The following DRICH1 variants were observed in gnomAD, a reference collection of about 807,000 sequenced individuals.
DRICH1 encodes aspartate rich 1, also known as aspartate-rich protein 1.
DRICH1 carries 38 observed loss-of-function variants against 39.5 expected under a neutral mutation model. The observed-to-expected ratio is 0.96, with a 90% CI of 0.74 to 1.26. DRICH1 has a LOEUF of 1.26. DRICH1 is among the 50% of genes most tolerant of loss of function. The pLI, the probability that DRICH1 is intolerant of heterozygous loss-of-function variation, is 0.00. For missense variants in DRICH1, 279 were observed against 270.4 expected (o/e 1.03, Z -0.22); for synonymous variants, 84 against 99.5 (o/e 0.84, Z 0.93).
At chr22:23,615,705 T>C (rs148929880) in intron 8 of DRICH1, among the ~76,000 whole-genome samples, 1,640 of 152,342 alleles carry the variant, frequency 0.011, 21 homozygotes, top group African/African-American at 0.035. Flanking sequence ...ACCATGATGA[T>C]GTTAAAACAA....
chr22:23,601,016 T>A, the DRICH1 span, among the ~76,000 whole-genome samples: 1 of 152,194 alleles, frequency 6.6e-6, no homozygotes, highest in African/African-American at 2.4e-5. Flanking sequence ...AAGCAAACTC[T>A]ACTCCTAGGT....
At chr22:23,626,262 G>A (rs1019540909) in intron 1 of DRICH1, among the ~76,000 whole-genome samples, 2 of 152,132 alleles carry the variant, frequency 1.3e-5, no homozygotes, top group African/African-American at 2.4e-5. Context: ...CTTGCATTCC[G>A]AAGTCCCAGA....
At position 23,625,987 on chromosome 22, in the gene DRICH1, A is replaced by G. The variant is rs1345093811; in HGVS notation, c.270T>C (p.Asp90=). The change falls in exon 2 of 12, where the codon GAT becomes GAC. Residue 90 remains aspartate, a synonymous_variant. Coordinates refer to ENST00000317749, the MANE Select transcript of DRICH1 (RefSeq NM_016449.4). ...FLPSSEEDND[D]AKILPSPVQG... ...CAAAGAAAGGGGGTCTTACCTTGGC[A>G]TCATCATTGTCTTCCTCACTTGATG... The G allele has an allele frequency of 6.2e-7, 1 of 1,612,324 alleles. No homozygotes were observed. The highest frequency in any genetic ancestry group is 1.3e-5 in the African/African-American group (1 of 74,908).
chr22:23,581,162 G>A, the DRICH1 span: 4 of 152,176 alleles, frequency 2.6e-5, no homozygotes, highest in Admixed American at 6.5e-5. Flanking sequence ...TTTAACTGTA[G>A]ACTCCATGTT....
intron 1 of DRICH1, among the ~76,000 whole-genome samples, chr22:23,626,946 T>C (rs1488146855): frequency 3.3e-5 from 5 of 152,112 alleles, no homozygotes; most frequent in South Asian, 2.1e-4. Flanking sequence ...AGTTCAACAA[T>C]TGGTCCCTCA....
downstream of DRICH1, among the ~76,000 whole-genome samples, chr22:23,604,826 T>C (rs953870770): frequency 2.0e-5 from 3 of 152,236 alleles, no homozygotes; most frequent in Non-Finnish European, 2.9e-5. Flanking sequence ...TAAAGCCTTA[T>C]GACTTTCTCA....
the DRICH1 span, among the ~76,000 whole-genome samples, chr22:23,589,916 T>A: frequency 2.0e-5 from 3 of 152,306 alleles, no homozygotes; most frequent in South Asian, 6.2e-4. Context: ...CCCGAGGCTC[T>A]CAGTGCTCCA....
At chr22:23,590,426 C>T in the DRICH1 span, among the ~76,000 whole-genome samples, 6 of 151,886 alleles carry the variant, frequency 4.0e-5, no homozygotes, top group African/African-American at 1.5e-4. Flanking sequence ...TATAGGCATG[C>T]ACCACCACAC....
chr22:23,625,556 C>T (rs1199585768), intron 2 of DRICH1, among the ~76,000 whole-genome samples: 1 of 152,158 alleles, frequency 6.6e-6, no homozygotes, highest in Non-Finnish European at 1.5e-5. Context: ...TGCAAAATAG[C>T]TCGCTTTGTC....
Position 23,625,971 on chromosome 22 carries a change from G to A in DRICH1, c.276+10C>T, listed in dbSNP as rs560667725. ...ACATTTCCTTAGAAGGCAAAGAAAG[G>A]GGGTCTTACCTTGGCATCATCATTG... On this transcript the variant is annotated intron_variant, in intron 2 of 11. Coordinates refer to ENST00000317749, the MANE Select transcript of DRICH1 (RefSeq NM_016449.4). 6.2e-7 allele frequency: 1 copy of A among 1,608,636 alleles called. No individual in the cohort carries two copies. The highest frequency in any genetic ancestry group is 8.5e-7 in the Non-Finnish European group (1 of 1,175,898).
intron 11 of DRICH1, among the ~76,000 whole-genome samples, chr22:23,609,362 C>T (rs892356890): frequency 6.6e-6 from 1 of 152,134 alleles, no homozygotes; most frequent in Non-Finnish European, 1.5e-5. Flanking sequence ...TTGGCAGTGC[C>T]GGGGGCATCA....
intron 1 of DRICH1, among the ~76,000 whole-genome samples, chr22:23,627,592 G>C (rs1928143257): frequency 6.6e-6 from 1 of 152,118 alleles, no homozygotes; most frequent in Non-Finnish European, 1.5e-5. Flanking sequence ...TGTGGGGCTG[G>C]GGATATGACA....
intron 4 of DRICH1, among the ~76,000 whole-genome samples, chr22:23,621,672 C>T (rs1439868952): frequency 6.6e-6 from 1 of 152,092 alleles, no homozygotes; most frequent in African/African-American, 2.4e-5. Context: ...CCAGCACTTT[C>T]GGAAGCCGAG....
chr22:23,607,538 C>CGGG (rs59669796), downstream of DRICH1, among the ~76,000 whole-genome samples: 221 of 147,486 alleles, frequency 1.5e-3, 4 homozygotes, highest in African/African-American at 4.8e-3. Context: ...CTGGCGGGGG[C>CGGG]GGGGGGGGGC....
At chr22:23,598,923 G>A in the DRICH1 span, among the ~76,000 whole-genome samples, 1 of 152,168 alleles carries the variant, frequency 6.6e-6, no homozygotes, top group Non-Finnish European at 1.5e-5. Context: ...GAGAGGCTCT[G>A]GCCTGAAAGT....
At chr22:23,594,576 T>C in the DRICH1 span, among the ~76,000 whole-genome samples, 3 of 152,212 alleles carry the variant, frequency 2.0e-5, no homozygotes, top group Non-Finnish European at 2.9e-5. Flanking sequence ...TTTGTATTTT[T>C]AGTCATTGTT....
chr22:23,584,543 T>C, the DRICH1 span, among the ~76,000 whole-genome samples: 2 of 152,368 alleles, frequency 1.3e-5, no homozygotes, highest in African/African-American at 2.4e-5. Flanking sequence ...TCAGGGTCAC[T>C]GGAAGTGATC....
At chr22:23,582,555 C>A in the DRICH1 span, among the ~76,000 whole-genome samples, 755 of 143,872 alleles carry the variant, frequency 5.2e-3, 6 homozygotes, top group African/African-American at 0.019. Context: ...CCTTCAGGGG[C>A]TTATTATTAT....
At chr22:23,619,496 T>G in intron 5 of DRICH1, 103 bp from the exon 6 acceptor site, 1 of 734,602 alleles carries the variant, frequency 1.4e-6, no homozygotes, top group Middle Eastern at 2.3e-4. Flanking sequence ...GGATGCACAT[T>G]CATGAGATTG....
Sources: gnomAD v4.1 joint callset for allele counts (sites outside exome capture counted in the v4.1 genomes callset) on GRCh38, gnomAD v4.1.1 for gene constraint, MANE v1.5 for transcripts, NCBI Gene and HGNC (gene_info 2026-07-23, HGNC 2026-07-21) for gene names.